EHMT1: variants seen among roughly 807,000 people sequenced by gnomAD.
The protein encoded by EHMT1 is euchromatic histone lysine methyltransferase 1.
Under a neutral mutation model 147.2 loss-of-function variants are expected in EHMT1, and 15 were observed. That is an observed-to-expected ratio of 0.10 (90% CI 0.07 to 0.16). The LOEUF (loss-of-function observed/expected upper bound fraction) is 0.16. Ranked by LOEUF, EHMT1 falls within the 10% of genes least tolerant of loss-of-function variation. The pLI is 1.00. For synonymous variants in EHMT1, 795 were observed against 709.6 expected (o/e 1.12, Z -1.91); for missense variants, 1,587 against 1,772.4 (o/e 0.90, Z 1.88).
chr9:137,722,707 T>G (rs1446230133), intron 3 of EHMT1, among the ~76,000 whole-genome samples: 1 of 151,180 alleles, frequency 6.6e-6, no homozygotes, highest in Non-Finnish European at 1.5e-5. Context: ...ATGCTCTGTG[T>G]GGGCCCCACA....
chr9:137,712,325 C>A (rs558019902), intron 2 of EHMT1, among the ~76,000 whole-genome samples: 2 of 152,222 alleles, frequency 1.3e-5, no homozygotes, highest in Non-Finnish European at 2.9e-5. Flanking sequence ...GTGCCCTGTT[C>A]CCTTACACAC....
intron 6 of EHMT1, chr9:137,745,578 A>AGCCCT (rs1948474620): frequency 2.5e-6 from 1 of 398,676 alleles, no homozygotes; most frequent in Admixed American, 4.4e-5. Context: ...AGCACAGCCC[A>AGCCCT]GCCCTCCCCG....
In EHMT1 at chr9:137,717,161, G is replaced by A; in HGVS notation, c.621G>A (p.Met207Ile). The change falls in exon 3 of 27, where the codon ATG becomes ATA. Residue 207 changes from methionine (M) to isoleucine (I), a missense_variant. By Grantham distance (10) the Met-to-Ile change is conservative. Around this residue, in one of 7 missense-constraint regions of EHMT1, gnomAD observed 810 missense variants for 673.0 expected, o/e 1.20. Transcript: ENST00000460843. Reference protein sequence around the residue: ...DVKVHRARKTMPKSVVGLHAA... With the variant: ...DVKVHRARKTIPKSVVGLHAA... ...AGGTCCACAGGGCACGCAAGACCAT[G>A]CCGAAGTCCGTCGTGGGCCTGGTAA... 3.7e-6 allele frequency: 6 copies of A among 1,612,388 alleles called. No individual in the cohort carries two copies. Among genetic ancestry groups the A allele is most frequent in the Non-Finnish European group, 5.1e-6 (6 of 1,179,992 alleles).
intron 18 of EHMT1, chr9:137,802,740 C>G (rs1953604314): frequency 1.8e-6 from 2 of 1,131,720 alleles, no homozygotes; most frequent in Admixed American, 4.2e-5. Context: ...ACGCAGGCCT[C>G]TCTGGAGTGA....
intron 1 of EHMT1, chr9:137,676,603 C>T (rs555920756): frequency 6.6e-6 from 1 of 152,534 alleles, no homozygotes; most frequent in East Asian, 1.9e-4. Context: ...AAAAAGGAGT[C>T]CCCGGAGAAT....
At chr9:137,793,507 G>A (rs1952679630) in intron 16 of EHMT1, among the ~76,000 whole-genome samples, 1 of 152,238 alleles carries the variant, frequency 6.6e-6, no homozygotes, top group African/African-American at 2.4e-5. Context: ...CTAAGCATAG[G>A]ATTACGCTGT....
At chr9:137,720,966 C>G (rs1404797616) in intron 3 of EHMT1, among the ~76,000 whole-genome samples, 1 of 152,082 alleles carries the variant, frequency 6.6e-6, no homozygotes, top group Non-Finnish European at 1.5e-5. Context: ...GCCTTTCACA[C>G]GCCCACCGGC....
intron 1 of EHMT1, among the ~76,000 whole-genome samples, chr9:137,677,894 T>G (rs1398171019): frequency 6.9e-6 from 1 of 144,602 alleles, no homozygotes; most frequent in Non-Finnish European, 1.5e-5. Context: ...CCGTCTCGAC[T>G]AAAAATACAA....
At chr9:137,740,117 G>C (rs1265160552) in intron 4 of EHMT1, among the ~76,000 whole-genome samples, 1 of 151,986 alleles carries the variant, frequency 6.6e-6, no homozygotes, top group Non-Finnish European at 1.5e-5. Context: ...TTTCTTCCTT[G>C]TCCACACCTC....
intron 15 of EHMT1, chr9:137,788,452 C>CGTACGGAGGTTGCAGGT (rs374006689): frequency 1.1e-5 from 2 of 185,110 alleles, no homozygotes; most frequent in African/African-American, 4.7e-5. Context: ...AGGTTGCAGG[C>CGTACGGAGGTTGCAGGT]GTACGGAGGT....
intron 1 of EHMT1, among the ~76,000 whole-genome samples, chr9:137,633,386 C>T (rs1359721643): frequency 1.3e-5 from 2 of 150,960 alleles, no homozygotes; most frequent in East Asian, 1.9e-4. Context: ...TAACATTTTG[C>T]TTAATTGGGG....
chr9:137,812,777 A>T (rs1954598950), intron 19 of EHMT1, among the ~76,000 whole-genome samples: 1 of 152,268 alleles, frequency 6.6e-6, no homozygotes, highest in Non-Finnish European at 1.5e-5. Flanking sequence ...CTAAGAAAAC[A>T]GCCTGCTGAC....
At position 137,688,953 on chromosome 9, in the gene EHMT1, A is replaced by G. The variant is rs535128978; in HGVS notation, c.22-22014A>G. On this transcript the variant is annotated intron_variant, in intron 1 of 26. Transcript: ENST00000460843. Reference sequence around the variant, plus strand: ...TGTACAAGAGGAAGTGACTGTCCTGATGGGAGTGGTGAGCTGCTGCAGGAG... The same window carrying G: ...TGTACAAGAGGAAGTGACTGTCCTGGTGGGAGTGGTGAGCTGCTGCAGGAG... Among the ~76,000 whole-genome samples the G allele has an allele frequency of 2.0e-5, 3 of 152,232 alleles. No individual in the cohort carries two copies. The South Asian group carries it at 6.2e-4, about 32-fold the overall frequency.
intron 1 of EHMT1, among the ~76,000 whole-genome samples, chr9:137,660,205 C>T (rs527888264): frequency 5.3e-5 from 8 of 151,910 alleles, no homozygotes; most frequent in African/African-American, 1.9e-4. Flanking sequence ...CATAGTGGCA[C>T]GTGCCTGTGG....
In EHMT1 at chr9:137,623,746, G is replaced by A. The variant is rs1472721311; in HGVS notation, c.21+4697G>A. Among the ~76,000 whole-genome samples, 5 of 152,242 alleles carry A rather than the reference G, an allele frequency of 3.3e-5. No homozygotes were observed. The East Asian group carries it at 5.8e-4, about 18-fold the overall frequency. ...GCAAATGTCTTTATTCTGCCCGTGC[G>A]CTTAGTAAGTTTGGCTGGTAGGTTG... On this transcript the variant is annotated intron_variant, in intron 1 of 26. Transcript: ENST00000460843.
intron 18 of EHMT1, chr9:137,802,870 T>C: frequency 8.9e-6 from 11 of 1,231,724 alleles, no homozygotes; most frequent in Non-Finnish European, 1.1e-5. Context: ...GACGGCACCA[T>C]GAAGAGAGGA....
intron 1 of EHMT1, among the ~76,000 whole-genome samples, chr9:137,677,891 G>T (rs574105422): frequency 1.1e-3 from 170 of 148,492 alleles, no homozygotes; most frequent in African/African-American, 4.1e-3. Flanking sequence ...ACCCCGTCTC[G>T]ACTAAAAATA....
chr9:137,683,402 CATTCAT>C (rs2134615546), intron 1 of EHMT1, among the ~76,000 whole-genome samples: 1 of 152,306 alleles, frequency 6.6e-6, no homozygotes, highest in East Asian at 1.9e-4. Flanking sequence ...GTGCCTTTAA[CATTCAT>C]GTATAACCTT....
At chr9:137,706,698 ACTGGTCTCGAACT>A (rs1353904038) in intron 1 of EHMT1, among the ~76,000 whole-genome samples, 5 of 151,974 alleles carry the variant, frequency 3.3e-5, no homozygotes, top group African/African-American at 1.2e-4. Flanking sequence ...TGTTGGCCAG[ACTGGTCTCGAACT>A]CCTGACCTCA....
Sources: allele counts gnomAD v4.1 joint callset (sites outside exome capture counted in the v4.1 genomes callset), GRCh38; gene constraint gnomAD v4.1.1; regional missense constraint gnomAD v4.1.1; transcripts MANE v1.5; gene names NCBI Gene and HGNC (gene_info 2026-07-23, HGNC 2026-07-21).